Variants in SLC28A3 observed in about 807,000 individuals in gnomAD.
SLC28A3 encodes concentrative Na(+)-nucleoside cotransporter 3.
A neutral mutation model predicts 84.2 loss-of-function variants in SLC28A3; 68 were observed. The ratio of observed to expected loss-of-function variants is 0.81; its 90% confidence interval spans 0.66 to 0.99. The LOEUF (loss-of-function observed/expected upper bound fraction) is 0.99, where lower values mean the gene tolerates loss of function less well. SLC28A3 is among the 50% of genes least tolerant of loss of function. The pLI, the probability that SLC28A3 is intolerant of heterozygous loss-of-function variation, is 0.00. For missense variants in SLC28A3, 712 were observed against 841.5 expected, an observed-to-expected ratio of 0.85 and a Z score of 1.90; for synonymous variants, 267 against 303.6, an observed-to-expected ratio of 0.88 and a Z score of 1.25.
At chr9:84,284,593 T>C (rs1266846290) in intron 14 of SLC28A3, among the ~76,000 whole-genome samples, 1 of 152,210 alleles carries the variant, frequency 6.6e-6, no homozygotes, top group Non-Finnish European at 1.5e-5. Flanking sequence ...TGCTCAGGAA[T>C]GTTCATCATT....
intron 6 of SLC28A3, 21 bp from the exon 7 acceptor site, chr9:84,298,040 A>G: frequency 6.3e-7 from 1 of 1,588,820 alleles, no homozygotes; most frequent in African/African-American, 1.4e-5. Flanking sequence ...AGATCAAGTG[A>G]TATGTCTTAG....
chr9:84,278,848 T>C lies in SLC28A3; in HGVS notation c.1949+417A>G, dbSNP rs57327276. Among the ~76,000 whole-genome samples, 646 of 145,790 alleles carry C rather than the reference T, an allele frequency of 4.4e-3. 7 individuals carry two copies. Among genetic ancestry groups the C allele is most frequent in the African/African-American group, 0.016 (626 of 38,870 alleles). On this transcript the variant is annotated intron_variant, in intron 17 of 17. Coordinates refer to ENST00000376238, the MANE Select transcript of SLC28A3 (RefSeq NM_001199633.2). Reference sequence around the variant, plus strand: ...TGTGCTAATTTTGCTGGAGTAGACATAGCTTCCCTAAGCCTTAATTTTGTG... The same window carrying C: ...TGTGCTAATTTTGCTGGAGTAGACACAGCTTCCCTAAGCCTTAATTTTGTG...
chr9:84,343,820 C>G (rs1442783508), upstream of SLC28A3, among the ~76,000 whole-genome samples: 1 of 152,170 alleles, frequency 6.6e-6, no homozygotes, highest in African/African-American at 2.4e-5. Context: ...TATCCACTAC[C>G]TGGCTGATGC....
chr9:84,346,861 G>C, the SLC28A3 span, among the ~76,000 whole-genome samples: 2 of 152,112 alleles, frequency 1.3e-5, no homozygotes, highest in Non-Finnish European at 2.9e-5. Flanking sequence ...TGATTTGGCT[G>C]TCTGTATCAC....
At chr9:84,367,641 C>G in the SLC28A3 span, among the ~76,000 whole-genome samples, 4 of 152,160 alleles carry the variant, frequency 2.6e-5, no homozygotes, top group Non-Finnish European at 5.9e-5. Flanking sequence ...CTATTTTTTA[C>G]TATCTCGGCA....
At chr9:84,293,659 A>G (rs1825315972) in intron 9 of SLC28A3, among the ~76,000 whole-genome samples, 1 of 152,140 alleles carries the variant, frequency 6.6e-6, no homozygotes, top group Admixed American at 6.5e-5. Flanking sequence ...CAGGAAGGAC[A>G]TGAACTCTTC....
At chr9:84,334,932 C>A (rs13283321) in intron 1 of SLC28A3, among the ~76,000 whole-genome samples, 25,678 of 151,988 alleles carry the variant, frequency 0.17, 2,361 homozygotes, top group African/African-American at 0.23. Flanking sequence ...TTCTCCAGAT[C>A]GCCCCTCTCC....
chr9:84,326,104 C>T lies in SLC28A3; in HGVS notation c.61-12650G>A, dbSNP rs191717081. ...GCAATCATAAGAGAGTTCCAAACTTCTGTGGAATAATACAGATTTGGAATT... is the reference window on the plus strand; with the variant it reads ...GCAATCATAAGAGAGTTCCAAACTTTTGTGGAATAATACAGATTTGGAATT... On this transcript the variant is annotated intron_variant, in intron 1 of 17. Transcript: ENST00000376238. Among the ~76,000 whole-genome samples, 10 of 152,166 alleles carry T rather than the reference C, an allele frequency of 6.6e-5. No individual in the cohort carries two copies. The East Asian group carries it at 1.9e-3, about 29-fold the overall frequency.
chr9:84,338,356 A>G (rs532639128), intron 1 of SLC28A3, among the ~76,000 whole-genome samples: 1 of 152,342 alleles, frequency 6.6e-6, no homozygotes, highest in South Asian at 2.1e-4. Flanking sequence ...AGGAGAGCTG[A>G]ATGTCAAACA....
chr9:84,337,456 G>T (rs1022755775), intron 1 of SLC28A3, among the ~76,000 whole-genome samples: 1 of 152,188 alleles, frequency 6.6e-6, no homozygotes. Context: ...GCGCGTGTGT[G>T]TATGCGTATG....
chr9:84,322,423 T>C (rs2118512412), intron 1 of SLC28A3, among the ~76,000 whole-genome samples: 1 of 152,374 alleles, frequency 6.6e-6, no homozygotes, highest in South Asian at 2.1e-4. Flanking sequence ...TCCTGTTCTA[T>C]GAAATCAAAC....
At position 84,302,264 on chromosome 9, in the gene SLC28A3, G is replaced by C; in HGVS notation, c.460C>G (p.Arg154Gly). ...WDHLMAKYEH[R>G]IDEMLSPGRR... The stretch of plus-strand genomic sequence containing the variant: ...CCAGGAGACAGCATCTCATCAATTC[G>C]ATGTTCGTATTTGGCCATCAGGTGA... The change falls in exon 5 of 18, where the codon CGA becomes GGA. Residue 154 changes from arginine (R) to glycine (G), a missense_variant. Physicochemically the swap from Arg to Gly is moderately radical, Grantham distance 125. Coordinates refer to ENST00000376238, the MANE Select transcript of SLC28A3 (RefSeq NM_001199633.2). The C allele has an allele frequency of 6.2e-7, 1 of 1,614,130 alleles. No homozygotes were observed. Among genetic ancestry groups the C allele is most frequent in the Non-Finnish European group, 8.5e-7 (1 of 1,180,022 alleles).
At chr9:84,318,588 G>T (rs1417201603) in intron 1 of SLC28A3, among the ~76,000 whole-genome samples, 1 of 152,146 alleles carries the variant, frequency 6.6e-6, no homozygotes, top group East Asian at 1.9e-4. Context: ...TGGTTTCCAG[G>T]CCGGGCGTGG....
At chr9:84,309,515 T>G in intron 3 of SLC28A3, 114 bp downstream of exon 3, 1 of 724,646 alleles carries the variant, frequency 1.4e-6, no homozygotes, top group Non-Finnish European at 2.0e-6. Flanking sequence ...AAAGTGAGAC[T>G]CTTATCTCAA....
At chr9:84,367,534 A>G in the SLC28A3 span, among the ~76,000 whole-genome samples, 1 of 152,202 alleles carries the variant, frequency 6.6e-6, no homozygotes, top group Non-Finnish European at 1.5e-5. Flanking sequence ...GAGACAAAGC[A>G]TAGAGAAAGA....
intron 14 of SLC28A3, among the ~76,000 whole-genome samples, chr9:84,281,882 T>C (rs1301372042): frequency 2.0e-5 from 3 of 152,176 alleles, no homozygotes. Context: ...TCCCAGCACT[T>C]TGGGAGGCCG....
chr9:84,278,330 C>A lies in SLC28A3; in HGVS notation c.1964G>T (p.Gly655Val). Residue 655 changes from glycine (G) to valine (V), a missense_variant, in exon 18 of 18, where the codon GGT (glycine) becomes GTT (valine). Coordinates refer to ENST00000376238, the MANE Select transcript of SLC28A3 (RefSeq NM_001199633.2). The part of the protein sequence containing the change: ...QSLLSSTVAK[G>V]PGEVIPGGNH... ...TCCTCCTGGGATGACTTCACCAGGACCCTTGGCAACAGTGCTGGTGGAAAG... is the reference window on the plus strand; with the variant it reads ...TCCTCCTGGGATGACTTCACCAGGAACCTTGGCAACAGTGCTGGTGGAAAG... 1 of 1,614,022 alleles carries A rather than the reference C, an allele frequency of 6.2e-7. No homozygotes were observed. Among genetic ancestry groups the A allele is most frequent in the East Asian group, 2.2e-5 (1 of 44,870 alleles).
At position 84,286,063 on chromosome 9, in the gene SLC28A3, G is replaced by A. The variant is rs763836843; in HGVS notation, c.1329C>T (p.Ser443=). ...LEAATQGASS[S]ISLVANIAVN... ...CAGCGATGTTGGCCACCAGGGAGAT[G>A]GAGGAGGATGCTCCCTGTGTTGCAG... Residue 443 remains serine (S), a synonymous_variant, in exon 13 of 18, where the codon TCC becomes TCT. Transcript: ENST00000376238. The A allele has an allele frequency of 6.2e-7, 1 of 1,614,070 alleles. No individual in the cohort carries two copies. Among genetic ancestry groups the A allele is most frequent in the Non-Finnish European group, 8.5e-7 (1 of 1,179,968 alleles).
rs371810500 is a variant in SLC28A3, at chr9:84,318,730, G to A, written c.61-5276C>T. Among the ~76,000 whole-genome samples, 6 of 152,204 alleles carry A rather than the reference G, an allele frequency of 3.9e-5. No individual in the cohort carries two copies. In the East Asian group the frequency reaches 7.7e-4, roughly 20 times the overall value. ...CTAAAAATACAAAAATTAGCCGGGC[G>A]TGGTGGCCTGTGCCTGTAATCCCAG... is the stretch of plus-strand genomic sequence containing the variant. On this transcript the variant is annotated intron_variant, in intron 1 of 17. Coordinates refer to ENST00000376238, the MANE Select transcript of SLC28A3 (RefSeq NM_001199633.2).
Sources: gnomAD v4.1 joint callset for allele counts (sites outside exome capture counted in the v4.1 genomes callset) on GRCh38, gnomAD v4.1.1 for gene constraint, MANE v1.5 for transcripts, NCBI Gene and HGNC (gene_info 2026-07-23, HGNC 2026-07-21) for gene names.